The following WDR49 variants were observed in gnomAD, a reference collection of about 807,000 sequenced individuals.
WDR49 encodes cilia- and flagella-associated protein 337.
A neutral mutation model predicts 119.5 loss-of-function variants in WDR49; 107 were observed. The observed-to-expected ratio is 0.90, with a 90% CI of 0.77 to 1.05. The LOEUF is 1.05. Ranked by LOEUF, WDR49 falls within the 50% of genes least tolerant of loss-of-function variation. WDR49 has a pLI of 0.00. For synonymous variants in WDR49, 425 were observed against 418.8 expected (o/e 1.01, Z -0.18); for missense variants, 1,240 against 1,220.5 (o/e 1.02, Z -0.24).
At chr3:167,652,316 C>T (rs1354257130) in intron 2 of WDR49, among the ~76,000 whole-genome samples, 6 of 152,054 alleles carry the variant, frequency 3.9e-5, no homozygotes, top group African/African-American at 1.4e-4. Context: ...AAAATGTGTG[C>T]CTATTACAGG....
At chr3:167,536,736 C>A in intron 11 of WDR49, 134 bp downstream of exon 11, 1 of 249,048 alleles carries the variant, frequency 4.0e-6, no homozygotes, top group Non-Finnish European at 6.5e-6. Context: ...TATATATACA[C>A]ACACACACAC....
intron 2 of WDR49, among the ~76,000 whole-genome samples, chr3:167,645,286 C>T (rs1204735588): frequency 6.6e-6 from 1 of 152,124 alleles, no homozygotes; most frequent in Non-Finnish European, 1.5e-5. Context: ...TCTCAGCTCA[C>T]TGCAACCTTC....
chr3:167,598,345 A>C (rs944185451), intron 7 of WDR49, among the ~76,000 whole-genome samples: 1 of 151,924 alleles, frequency 6.6e-6, no homozygotes, highest in African/African-American at 2.4e-5. Flanking sequence ...TGTGAGAAGG[A>C]CATAAGATTT....
intron 6 of WDR49, among the ~76,000 whole-genome samples, chr3:167,603,147 T>C (rs1343392455): frequency 6.6e-6 from 1 of 152,144 alleles, no homozygotes. Context: ...ATCAATCAGT[T>C]ATATTTAGGG....
In WDR49 at chr3:167,617,920, AC is replaced by A. The variant is rs113301147; in HGVS notation, c.958+2508del. Among the ~76,000 whole-genome samples, 681 of 152,252 alleles carry A rather than the reference AC, an allele frequency of 4.5e-3. 5 individuals carry two copies. Among genetic ancestry groups the A allele is most frequent in the African/African-American group, 0.013 (552 of 41,560 alleles). On this transcript the variant is annotated intron_variant, in intron 5 of 18. Coordinates refer to ENST00000682715, the MANE Select transcript of WDR49 (RefSeq NM_001366157.1). ...CCATGCTGAACAAACTACCAAGTAA[AC>A]TTTTCCTAAATACTGTCTGCATTGG... is the stretch of plus-strand genomic sequence containing the variant.
At chr3:167,482,033 C>T (rs562562286) in intron 18 of WDR49, among the ~76,000 whole-genome samples, 1 of 152,202 alleles carries the variant, frequency 6.6e-6, no homozygotes, top group African/African-American at 2.4e-5. Context: ...TGAAAGGACA[C>T]ATTGTGTACT....
intron 16 of WDR49, among the ~76,000 whole-genome samples, chr3:167,509,868 C>T (rs1751900423): frequency 6.6e-6 from 1 of 152,060 alleles, no homozygotes; most frequent in Admixed American, 6.5e-5. Context: ...CTCATATTAA[C>T]TAATATGAAA....
intron 18 of WDR49, among the ~76,000 whole-genome samples, chr3:167,498,796 A>C (rs566191577): frequency 5.9e-5 from 9 of 152,226 alleles, no homozygotes; most frequent in African/African-American, 2.2e-4. Flanking sequence ...ATACAGTTGC[A>C]TTTCTTTAGG....
chr3:167,574,008 C>T (rs983614150), intron 8 of WDR49, among the ~76,000 whole-genome samples: 1 of 152,236 alleles, frequency 6.6e-6, no homozygotes, highest in African/African-American at 2.4e-5. Context: ...GTGACCAACA[C>T]TGGCCTCAGG....
chr3:167,589,298 G>A (rs1714985636), intron 7 of WDR49, among the ~76,000 whole-genome samples: 1 of 152,046 alleles, frequency 6.6e-6, no homozygotes, highest in South Asian at 2.1e-4. Context: ...TGGTCTATGT[G>A]TTTGTTTTTA....
intron 7 of WDR49, among the ~76,000 whole-genome samples, chr3:167,579,437 T>A (rs1026594033): frequency 5.9e-5 from 9 of 152,174 alleles, no homozygotes; most frequent in African/African-American, 2.2e-4. Flanking sequence ...TGGGACTTTT[T>A]AAAATATCTT....
intron 5 of WDR49, among the ~76,000 whole-genome samples, chr3:167,611,738 A>G (rs1281657402): frequency 1.3e-5 from 2 of 152,202 alleles, no homozygotes. Context: ...AAAAGATACA[A>G]AGAACATCAC....
upstream of WDR49, among the ~76,000 whole-genome samples, chr3:167,654,880 C>A (rs1320876139): frequency 2.0e-5 from 3 of 146,968 alleles, no homozygotes; most frequent in Non-Finnish European, 4.5e-5. Flanking sequence ...GCCTGGGCAA[C>A]AGAATGAGAC....
At chr3:167,536,844 G>T in intron 11 of WDR49, 26 bp downstream of exon 11, 2 of 1,457,134 alleles carry the variant, frequency 1.4e-6, no homozygotes, top group South Asian at 1.6e-5. Flanking sequence ...CTTCACCAAT[G>T]ATTGTCAAGT....
intron 18 of WDR49, among the ~76,000 whole-genome samples, chr3:167,480,005 T>A (rs1357324447): frequency 6.6e-6 from 1 of 151,740 alleles, no homozygotes; most frequent in East Asian, 1.9e-4. Context: ...CCGAGGCAGG[T>A]GAATTGCCTG....
intron 8 of WDR49, among the ~76,000 whole-genome samples, chr3:167,575,414 C>G (rs970417898): frequency 6.6e-6 from 1 of 152,188 alleles, no homozygotes; most frequent in African/African-American, 2.4e-5. Flanking sequence ...AACACTTGTG[C>G]TGCATACCAA....
At chr3:167,632,520 T>C (rs938224790) in intron 2 of WDR49, among the ~76,000 whole-genome samples, 8 of 152,058 alleles carry the variant, frequency 5.3e-5, no homozygotes, top group Admixed American at 2.0e-4. Context: ...AATGAAACTA[T>C]GTTTTTGCCA....
chr3:167,548,532 G>T (rs907133561), intron 10 of WDR49, among the ~76,000 whole-genome samples: 4 of 151,846 alleles, frequency 2.6e-5, no homozygotes, highest in African/African-American at 7.3e-5. Flanking sequence ...ACAGTTTGTC[G>T]CTAACTCTTA....
At chr3:167,584,041 T>G (rs1198569050) in intron 7 of WDR49, among the ~76,000 whole-genome samples, 1 of 152,022 alleles carries the variant, frequency 6.6e-6, no homozygotes, top group African/African-American at 2.4e-5. Context: ...AGGTATAACA[T>G]TAAAGAGCTA....
Sources: allele counts gnomAD v4.1 joint callset (sites outside exome capture counted in the v4.1 genomes callset), GRCh38; gene constraint gnomAD v4.1.1; transcripts MANE v1.5; gene names NCBI Gene and HGNC (gene_info 2026-07-23, HGNC 2026-07-21).